Variants in ABCG2 observed in about 807,000 individuals in gnomAD.
ABCG2 encodes ATP binding cassette subfamily G member 2 (JR blood group).
ABCG2 carries 80 observed loss-of-function variants against 73.5 expected under a neutral mutation model. That is an observed-to-expected ratio of 1.09 (90% CI 0.91 to 1.31). The LOEUF is 1.31. Among genes scored for constraint, ABCG2 ranks in the 50% most tolerant of loss-of-function variants. The probability of loss-of-function intolerance (pLI) is 0.00; values close to 1 mark genes in which losing one functional copy is unlikely to be tolerated. For missense variants in ABCG2, 796 were observed against 786.2 expected (o/e 1.01, Z -0.15); for synonymous variants, 269 against 282.4 (o/e 0.95, Z 0.48).
chr4:88,165,884 AAG>A (rs987841385), intron 1 of ABCG2, among the ~76,000 whole-genome samples: 3 of 152,016 alleles, frequency 2.0e-5, no homozygotes, highest in Non-Finnish European at 2.9e-5. Flanking sequence ...AAAAAAAAAA[AAG>A]AGAGAGAGAA....
chr4:88,231,116 G>C (rs1054646880), exon 1 of ABCG2: 1 of 152,120 alleles, frequency 6.6e-6, no homozygotes, highest in African/African-American at 2.4e-5. Flanking sequence ...CAGGACCCAC[G>C]CCTACTAAAC....
At chr4:88,208,971 C>T (rs150212205) in intron 1 of ABCG2, among the ~76,000 whole-genome samples, 153 of 152,170 alleles carry the variant, frequency 1.0e-3, no homozygotes, top group African/African-American at 3.5e-3. Flanking sequence ...CACTGCACTC[C>T]AGCCTGGGTG....
At chr4:88,112,508 TG>T (rs1294079697) in intron 9 of ABCG2, among the ~76,000 whole-genome samples, 27 of 152,140 alleles carry the variant, frequency 1.8e-4, no homozygotes, top group Non-Finnish European at 1.9e-4. Context: ...CCATCTAACA[TG>T]CTATCTATTT....
At chr4:88,197,777 T>C (rs1228480995) in intron 1 of ABCG2, among the ~76,000 whole-genome samples, 1 of 151,852 alleles carries the variant, frequency 6.6e-6, no homozygotes, top group Non-Finnish European at 1.5e-5. Flanking sequence ...CACTCCAGCC[T>C]GGGTGATACA....
intron 1 of ABCG2, among the ~76,000 whole-genome samples, chr4:88,141,000 GATTT>G (rs758114614): frequency 1.3e-5 from 2 of 152,090 alleles, no homozygotes; most frequent in Non-Finnish European, 2.9e-5. Context: ...CCTCAAAAAA[GATTT>G]ATTTGAGTAA....
chr4:88,115,287 T>TATG (rs1560675364), intron 7 of ABCG2, among the ~76,000 whole-genome samples: 26 of 129,370 alleles, frequency 2.0e-4, no homozygotes, highest in African/African-American at 6.9e-4. Flanking sequence ...TATATATAAT[T>TATG]TATTTATTTA....
At chr4:88,204,290 A>G (rs1467827068) in intron 1 of ABCG2, among the ~76,000 whole-genome samples, 1 of 151,786 alleles carries the variant, frequency 6.6e-6, no homozygotes, top group African/African-American at 2.4e-5. Context: ...GCGTGGTGAC[A>G]GGCGCCTGTA....
intron 1 of ABCG2, among the ~76,000 whole-genome samples, chr4:88,165,081 G>A (rs1002250764): frequency 6.6e-6 from 1 of 152,034 alleles, no homozygotes; most frequent in Non-Finnish European, 1.5e-5. Flanking sequence ...ATCTGGCCGA[G>A]GTAAATGTTT....
At chr4:88,166,340 T>C (rs1369496947) in intron 1 of ABCG2, among the ~76,000 whole-genome samples, 2 of 152,340 alleles carry the variant, frequency 1.3e-5, no homozygotes, top group South Asian at 2.1e-4. Flanking sequence ...AAAGCCCATT[T>C]GTCTTTCCAC....
intron 1 of ABCG2, among the ~76,000 whole-genome samples, chr4:88,151,785 C>T (rs1051654203): frequency 4.0e-5 from 6 of 151,478 alleles, no homozygotes; most frequent in South Asian, 2.1e-4. Context: ...ATGTGAGCAG[C>T]GGCATTACTT....
intron 1 of ABCG2, among the ~76,000 whole-genome samples, chr4:88,177,267 G>C (rs1019169098): frequency 2.0e-5 from 3 of 151,982 alleles, no homozygotes; most frequent in African/African-American, 4.8e-5. Context: ...CCAGCTACTC[G>C]GGAGGGTGAG....
At chr4:88,150,420 T>C (rs997418736) in intron 1 of ABCG2, among the ~76,000 whole-genome samples, 2 of 152,172 alleles carry the variant, frequency 1.3e-5, no homozygotes, top group Non-Finnish European at 2.9e-5. Context: ...CCAGTGAGGC[T>C]GAAGCAGAGT....
At chr4:88,121,852 T>G (rs1317677367) in intron 5 of ABCG2, 60 bp from the exon 6 acceptor site, 1 of 1,535,960 alleles carries the variant, frequency 6.5e-7, no homozygotes, top group Non-Finnish European at 8.9e-7. Flanking sequence ...TTTGGTGAGC[T>G]CCTAACGTGT....
rs762937915 is a variant in ABCG2, at chr4:88,121,773, C to T, written c.551G>A (p.Arg184His). 105 of 1,612,804 alleles carry T rather than the reference C, an allele frequency of 6.5e-5. No individual in the cohort carries two copies. The highest frequency in any genetic ancestry group is 4.7e-4 in the East Asian group (21 of 44,852). ...TTTTCTTTCTCCTCCAGACACACCACGGATAAACTGAGTTCCAACCTAAAT... is the reference window on the plus strand; with the variant it reads ...TTTTCTTTCTCCTCCAGACACACCATGGATAAACTGAGTTCCAACCTAAAT... ...ADSKVGTQFI[R>H]GVSGGERKRT... Residue 184 changes from arginine to histidine, a missense_variant, in exon 6 of 16, where the codon CGT becomes CAT. Coordinates refer to ENST00000237612, the MANE Select transcript of ABCG2 (RefSeq NM_004827.3).
chr4:88,224,993 C>T (rs951246461), intron 1 of ABCG2, among the ~76,000 whole-genome samples: 2 of 152,112 alleles, frequency 1.3e-5, no homozygotes, highest in Non-Finnish European at 2.9e-5. Context: ...ACCACTTGGC[C>T]GTGTGTGAGG....
intron 1 of ABCG2, among the ~76,000 whole-genome samples, chr4:88,217,389 G>A (rs754565165): frequency 1.6e-4 from 25 of 152,104 alleles, no homozygotes; most frequent in Non-Finnish European, 3.1e-4. Flanking sequence ...GGCCAGGCGC[G>A]GTGGCTCATG....
At chr4:88,157,562 A>G (rs556539725) in intron 1 of ABCG2, among the ~76,000 whole-genome samples, 30 of 152,344 alleles carry the variant, frequency 2.0e-4, no homozygotes, top group African/African-American at 7.2e-4. Context: ...TTCACAATTA[A>G]AAGTTATTAT....
At chr4:88,099,630 A>G (rs577364893) in intron 11 of ABCG2, among the ~76,000 whole-genome samples, 182 bp from the exon 12 acceptor site, 6 of 152,114 alleles carry the variant, frequency 3.9e-5, no homozygotes, top group Non-Finnish European at 7.3e-5. Flanking sequence ...CTCCCTGAGA[A>G]AGCATCCCAT....
intron 1 of ABCG2, among the ~76,000 whole-genome samples, chr4:88,214,132 C>G (rs1340811638): frequency 6.6e-6 from 1 of 151,414 alleles, no homozygotes; most frequent in Non-Finnish European, 1.5e-5. Flanking sequence ...GGACTACAGG[C>G]GCATACAACC....
Sources: gnomAD v4.1 joint callset for allele counts (sites outside exome capture counted in the v4.1 genomes callset) on GRCh38, gnomAD v4.1.1 for gene constraint, MANE v1.5 for transcripts, NCBI Gene and HGNC (gene_info 2026-07-23, HGNC 2026-07-21) for gene names.